Variants in PCDHGB3 observed in about 807,000 individuals in gnomAD.
PCDHGB3 encodes the protein protocadherin gamma-B3.
A neutral mutation model predicts 59.2 loss-of-function variants in PCDHGB3; 40 were observed. That is an observed-to-expected ratio of 0.68 (90% CI 0.52 to 0.88). The LOEUF is 0.88. Ranked by LOEUF, PCDHGB3 falls within the 40% of genes least tolerant of loss-of-function variation. The probability of loss-of-function intolerance (pLI) is 0.00; values close to 1 mark genes in which losing one functional copy is unlikely to be tolerated. For missense variants in PCDHGB3, 1,309 were observed against 1,187.9 expected (o/e 1.10, Z -1.50); for synonymous variants, 581 against 503.6 (o/e 1.15, Z -2.06).
At chr5:141,433,866 T>C (rs1191114798) in intron 1 of PCDHGB3, among the ~76,000 whole-genome samples, 1 of 151,870 alleles carries the variant, frequency 6.6e-6, no homozygotes, top group African/African-American at 2.4e-5. Context: ...CTTTATCCTC[T>C]AGTTTCATCC....
chr5:141,395,643 T>A (rs2150633577), intron 1 of PCDHGB3: 1 of 171,018 alleles, frequency 5.8e-6, no homozygotes, highest in East Asian at 1.7e-4. Flanking sequence ...GCCTTGTTAT[T>A]AGCTTAGCAA....
At chr5:141,392,837 C>T (rs772636303) in intron 1 of PCDHGB3, 1 of 1,608,294 alleles carries the variant, frequency 6.2e-7, no homozygotes. Context: ...AGAGTCGCCC[C>T]AGACGCGGCG....
rs1216406946 is a variant in PCDHGB3 at position 141,371,979 on chromosome 5, G to T, written c.1585G>T (p.Glu529Ter). 6.2e-7 allele frequency: 1 copy of T among 1,613,118 alleles called. No homozygotes were observed. Among genetic ancestry groups the T allele is most frequent in the Non-Finnish European group, 8.5e-7 (1 of 1,179,794 alleles). ...CGACCACGAGCAGCTGCGTGCCTTC[G>T]AGCTCACTCTGCAGGCCCGCGACCA... ...AFDHEQLRAF[E>*]LTLQARDQGS... The change falls in exon 1 of 4, where the codon GAG (glutamate) becomes TAG (stop). Residue 529 changes from glutamate (E) to a stop codon, truncating the protein, a stop_gained. Coordinates refer to ENST00000576222, the MANE Select transcript of PCDHGB3 (RefSeq NM_018924.5). LOFTEE classifies it high-confidence loss of function.
In PCDHGB3 at chr5:141,399,498, A is replaced by G. The variant is rs539360572; in HGVS notation, c.2415+26689A>G. The G allele has an allele frequency of 1.4e-5, 22 of 1,614,002 alleles. No individual in the cohort carries two copies. The African/African-American group carries it at 2.5e-4, about 19-fold the overall frequency. On this transcript the variant is annotated intron_variant, in intron 1 of 3. Coordinates refer to ENST00000576222, the MANE Select transcript of PCDHGB3 (RefSeq NM_018924.5). Reference sequence around the variant, plus strand: ...ACCAGGCGTCCTACTTAGTCAGTGTACCCGAAAACAACCCTCCTGGGGCCT... The same window carrying G: ...ACCAGGCGTCCTACTTAGTCAGTGTGCCCGAAAACAACCCTCCTGGGGCCT...
Position 141,432,488 on chromosome 5 carries a change from C to G in PCDHGB3, c.2415+59679C>G. 6.2e-7 allele frequency: 1 copy of G among 1,614,202 alleles called. No homozygotes were observed. Among genetic ancestry groups the G allele is most frequent in the Non-Finnish European group, 8.5e-7 (1 of 1,180,048 alleles). On this transcript the variant is annotated intron_variant, in intron 1 of 3. Coordinates refer to ENST00000576222, the MANE Select transcript of PCDHGB3 (RefSeq NM_018924.5). This position sits in a 1 kb window ranked among gnomAD's most constrained non-coding sequence, Gnocchi z 6.0. ...CACGGACGGTTCCACTGGCGTGGAGCTGGCTCCCCGCTCCGCAGAGCCCGG... is the reference window on the plus strand; with the variant it reads ...CACGGACGGTTCCACTGGCGTGGAGGTGGCTCCCCGCTCCGCAGAGCCCGG...
intron 1 of PCDHGB3, chr5:141,394,001 G>T: frequency 6.2e-7 from 1 of 1,613,458 alleles, no homozygotes; most frequent in Non-Finnish European, 8.5e-7. Flanking sequence ...AATTAGAAAA[G>T]TCAATAGGTA....
At chr5:141,509,322 C>G (rs563556144) in intron 3 of PCDHGB3, among the ~76,000 whole-genome samples, 1 of 152,318 alleles carries the variant, frequency 6.6e-6, no homozygotes, top group East Asian at 1.9e-4. Flanking sequence ...GAGAGAAGCT[C>G]TACTGCCAGC....
intron 3 of PCDHGB3, among the ~76,000 whole-genome samples, chr5:141,505,868 G>T (rs2099848820): frequency 6.6e-6 from 1 of 152,170 alleles, no homozygotes; most frequent in Admixed American, 6.5e-5. Context: ...GGACCCCAAA[G>T]GGTTGTTGTA....
At chr5:141,381,370 G>A (rs562934988) in intron 1 of PCDHGB3, among the ~76,000 whole-genome samples, 1 of 152,320 alleles carries the variant, frequency 6.6e-6, no homozygotes, top group East Asian at 1.9e-4. Context: ...GGTAGCCTCG[G>A]ATCCATCAAT....
intron 1 of PCDHGB3, among the ~76,000 whole-genome samples, chr5:141,463,844 G>A (rs545618795): frequency 1.3e-5 from 2 of 152,258 alleles, no homozygotes; most frequent in East Asian, 3.9e-4. Context: ...AGTTGTTATA[G>A]TGGTATATCT....
In PCDHGB3 at chr5:141,476,335, C is replaced by A; in HGVS notation, c.2416-18472C>A. On this transcript the variant is annotated intron_variant, in intron 1 of 3. Coordinates refer to ENST00000576222, the MANE Select transcript of PCDHGB3 (RefSeq NM_018924.5). The surrounding 1 kb of genome is among the most constrained non-coding windows in gnomAD (Gnocchi z 7.6). Reference sequence around the variant, plus strand: ...GGTTCCGGGTGGTGTCTGGAGCTAGCCGAAGATTCTTTGAGGTGAACCGGG... The same window carrying A: ...GGTTCCGGGTGGTGTCTGGAGCTAGACGAAGATTCTTTGAGGTGAACCGGG... 2 of 1,614,120 alleles carry A rather than the reference C, an allele frequency of 1.2e-6. No individual in the cohort carries two copies. Among genetic ancestry groups the A allele is most frequent in the Non-Finnish European group, 1.7e-6 (2 of 1,180,026 alleles).
intron 1 of PCDHGB3, chr5:141,415,377 C>A: frequency 1.2e-6 from 2 of 1,614,236 alleles, no homozygotes; most frequent in Non-Finnish European, 1.7e-6. Flanking sequence ...CTTCAGGAGG[C>A]GGCTTGACAG....
At chr5:141,414,888 C>T (rs1452402953) in intron 1 of PCDHGB3, 2 of 1,614,210 alleles carry the variant, frequency 1.2e-6, no homozygotes, top group Non-Finnish European at 1.7e-6. Flanking sequence ...ACCCCGCCCT[C>T]CCCACAGACG....
intron 1 of PCDHGB3, chr5:141,413,818 G>T: frequency 6.2e-7 from 1 of 1,613,138 alleles, no homozygotes; most frequent in Non-Finnish European, 8.5e-7. Context: ...TCACCACCTG[G>T]TCCTCACCGC....
chr5:141,375,703 G>C (rs776426026), intron 1 of PCDHGB3: 6 of 1,614,144 alleles, frequency 3.7e-6, no homozygotes, highest in Non-Finnish European at 5.1e-6. Context: ...GCGGGGACCC[G>C]CCTCTTAGCA....
chr5:141,438,591 C>CATATATATATAT (rs946798767), intron 1 of PCDHGB3, among the ~76,000 whole-genome samples: 3 of 75,560 alleles, frequency 4.0e-5, no homozygotes, highest in Non-Finnish European at 5.4e-5. Flanking sequence ...TACATACATA[C>CATATATATATAT]ATATATATAT....
chr5:141,433,299 T>G, intron 1 of PCDHGB3: 1 of 995,012 alleles, frequency 1.0e-6, no homozygotes, highest in Non-Finnish European at 1.5e-6. Flanking sequence ...GCTCAAGCAA[T>G]TATCCCACCT....
intron 1 of PCDHGB3, chr5:141,384,549 G>T (rs1561602881): frequency 6.2e-7 from 1 of 1,614,244 alleles, no homozygotes; most frequent in East Asian, 2.2e-5. Flanking sequence ...CACTGAGCCT[G>T]TTCGTGCTGG....
chr5:141,435,629 A>G (rs2097772414), intron 1 of PCDHGB3, among the ~76,000 whole-genome samples: 1 of 152,162 alleles, frequency 6.6e-6, no homozygotes, highest in Admixed American at 6.5e-5. Flanking sequence ...TAACTTTTAC[A>G]ACTATGGGAA....
Sources: gnomAD v4.1 joint callset for allele counts (sites outside exome capture counted in the v4.1 genomes callset) on GRCh38, gnomAD v4.1.1 for gene constraint, Gnocchi (gnomAD v3.1) non-coding constraint, MANE v1.5 for transcripts, NCBI Gene and HGNC (gene_info 2026-07-23, HGNC 2026-07-21) for gene names.